The following SERPINB12 variants were observed in gnomAD, a reference collection of about 807,000 sequenced individuals.
SERPINB12 encodes serpin family B member 12, also known as serpin B12.
SERPINB12 carries 57 observed loss-of-function variants against 41.1 expected under a neutral mutation model. The observed-to-expected ratio is 1.39, with a 90% confidence interval of 1.12 to 1.73. The LOEUF is 1.73. Among genes scored for constraint, SERPINB12 ranks in the 40% most tolerant of loss-of-function variants. SERPINB12 has a pLI of 0.00. For missense variants in SERPINB12, 536 were observed against 501.9 expected, an observed-to-expected ratio of 1.07 and a Z score of -0.65; for synonymous variants, 180 against 181.3, an observed-to-expected ratio of 0.99 and a Z score of 0.06.
chr18:63,559,578 G>T lies in SERPINB12; in HGVS notation c.304G>T (p.Ala102Ser). Residue 102 changes from alanine to serine, a missense_variant and splice_region_variant, in exon 4 of 8, where the codon GCT (alanine) becomes TCT (serine). By Grantham distance (99) the Ala-to-Ser change is moderately conservative. Coordinates refer to ENST00000382768, the MANE Select transcript of SERPINB12 (RefSeq NM_001307928.2). ...CACATTTTGTTTCTTCTTTCCTTAGGCTGGGTCCTTAAACAATGAGAGCGG... is the reference window on the plus strand; with the variant it reads ...CACATTTTGTTTCTTCTTTCCTTAGTCTGGGTCCTTAAACAATGAGAGCGG... ...KKTTEPLDQQ[A>S]GSLNNESGLV... 6.2e-7 allele frequency: 1 copy of T among 1,613,832 alleles called. No homozygotes were observed. Among genetic ancestry groups the T allele is most frequent in the Non-Finnish European group, 8.5e-7 (1 of 1,179,888 alleles).
chr18:63,537,365 G>A, the SERPINB12 span, among the ~76,000 whole-genome samples: 51 of 152,284 alleles, frequency 3.3e-4, no homozygotes, highest in African/African-American at 1.2e-3. Flanking sequence ...TACACCTTGT[G>A]CATTGGGTTT....
In SERPINB12 at chr18:63,566,988, T is replaced by C; in HGVS notation, c.1255T>C (p.Tyr419His). 1 of 1,602,908 alleles carries C rather than the reference T, an allele frequency of 6.2e-7. No individual in the cohort carries two copies. The highest frequency in any genetic ancestry group is 8.5e-7 in the Non-Finnish European group (1 of 1,175,560). Residue 419 changes from tyrosine (Y) to histidine (H), a missense_variant, in exon 8 of 8, where the codon TAT (tyrosine) becomes CAT (histidine). Coordinates refer to ENST00000382768, the MANE Select transcript of SERPINB12 (RefSeq NM_001307928.2). ...CAACAAAACCCAAACCATTCTCTTT[T>C]ATGGCAGGGTCTGCTCTCCTTAAAA... is the stretch of plus-strand genomic sequence containing the variant. Reference protein sequence around the residue: ...RHNKTQTILFYGRVCSP With the variant: ...RHNKTQTILFHGRVCSP
chr18:63,564,254 A>G, intron 6 of SERPINB12, 134 bp downstream of exon 6: 1 of 869,780 alleles, frequency 1.1e-6, no homozygotes, highest in Non-Finnish European at 1.8e-6. Flanking sequence ...AAGAACCAGT[A>G]CCTGAATTTC....
intron 2 of SERPINB12, among the ~76,000 whole-genome samples, chr18:63,557,624 T>G (rs2144334788): frequency 6.6e-6 from 1 of 152,352 alleles, no homozygotes; most frequent in Non-Finnish European, 1.5e-5. Flanking sequence ...TTAGCAAAAC[T>G]TAGCTTTAGA....
chr18:63,538,804 C>T (rs544334557), upstream of SERPINB12, among the ~76,000 whole-genome samples: 4 of 152,248 alleles, frequency 2.6e-5, no homozygotes, highest in Admixed American at 6.5e-5. Context: ...TTTACATTTC[C>T]ACCAGCTATA....
At chr18:63,548,966 A>G (rs1393336373) in intron 1 of SERPINB12, among the ~76,000 whole-genome samples, 1 of 152,012 alleles carries the variant, frequency 6.6e-6, no homozygotes, top group Non-Finnish European at 1.5e-5. Context: ...ATTTATGACA[A>G]TGTTTATCGT....
At chr18:63,565,364 C>T in intron 6 of SERPINB12, 81 bp from the exon 7 acceptor site, 1 of 1,331,998 alleles carries the variant, frequency 7.5e-7, no homozygotes, top group South Asian at 1.4e-5. Flanking sequence ...TTAGGAACCC[C>T]TGTCCTCCGT....
the SERPINB12 span, among the ~76,000 whole-genome samples, chr18:63,528,579 G>A: frequency 3.9e-5 from 6 of 152,032 alleles, no homozygotes; most frequent in East Asian, 9.7e-4. Context: ...GAGGTAAGGG[G>A]AAAAAAGTAA....
In SERPINB12 at chr18:63,568,214, C is replaced by T. The variant is rs982822564; in HGVS notation, c.*1203C>T. 5.3e-5 allele frequency among the ~76,000 whole-genome samples: 8 copies of T among 152,072 alleles called. No homozygotes were observed. The highest frequency in any genetic ancestry group is 1.3e-4 in the Admixed American group (2 of 15,270). On this transcript the variant is annotated 3_prime_UTR_variant, in exon 8 of 8. Coordinates refer to ENST00000382768, the MANE Select transcript of SERPINB12 (RefSeq NM_001307928.2). ...TGGGCAACATATTGAGACCCTGACT[C>T]TACAAAAAATACAGAAATTAGCCGG...
intron 4 of SERPINB12, among the ~76,000 whole-genome samples, chr18:63,559,921 C>T (rs904026391): frequency 2.0e-5 from 3 of 152,084 alleles, no homozygotes; most frequent in African/African-American, 4.8e-5. Flanking sequence ...GAGCAGTTTA[C>T]GGGGCCCATT....
At chr18:63,541,100 C>T (rs1910263998), upstream of SERPINB12, among the ~76,000 whole-genome samples, 2 of 152,128 alleles carry the variant, frequency 1.3e-5, no homozygotes, top group African/African-American at 4.8e-5. Context: ...TACCATCTCC[C>T]TAATTCAAAA....
At chr18:63,558,999 CTTCCTTCTTTCTTTCTTTCTTTCT>C (rs1269944460) in intron 3 of SERPINB12, among the ~76,000 whole-genome samples, 9 of 114,786 alleles carry the variant, frequency 7.8e-5, no homozygotes, top group Admixed American at 6.4e-4. Flanking sequence ...TCTTTCTTTC[CTTCCTTCTTTCTTTCTTTCTTTCT>C]TTCTTTCTTT....
At chr18:63,558,259 C>T (rs553367838) in intron 2 of SERPINB12, 93 bp from the exon 3 acceptor site, 7 of 1,328,190 alleles carry the variant, frequency 5.3e-6, no homozygotes, top group Non-Finnish European at 7.2e-6. Flanking sequence ...ACTATGTAAT[C>T]ATTGCCATTG....
the SERPINB12 span, among the ~76,000 whole-genome samples, chr18:63,535,792 C>G: frequency 6.6e-6 from 1 of 151,982 alleles, no homozygotes; most frequent in Non-Finnish European, 1.5e-5. Context: ...AGCTAATAGA[C>G]AGGATGTATG....
rs1911178781 is a variant in SERPINB12, at chr18:63,568,217, C to T, written c.*1206C>T. Among the ~76,000 whole-genome samples, 1 of 152,014 alleles carries T rather than the reference C, an allele frequency of 6.6e-6. No individual in the cohort carries two copies. On this transcript the variant is annotated 3_prime_UTR_variant, in exon 8 of 8. Coordinates refer to ENST00000382768, the MANE Select transcript of SERPINB12 (RefSeq NM_001307928.2). ...GCAACATATTGAGACCCTGACTCTACAAAAAATACAGAAATTAGCCGGGCG... is the reference window on the plus strand; with the variant it reads ...GCAACATATTGAGACCCTGACTCTATAAAAAATACAGAAATTAGCCGGGCG...
At chr18:63,558,999 C>CTT (rs1555675571) in intron 3 of SERPINB12, among the ~76,000 whole-genome samples, 8 of 114,700 alleles carry the variant, frequency 7.0e-5, no homozygotes, top group Non-Finnish European at 1.2e-4. Context: ...TCTTTCTTTC[C>CTT]TTCCTTCTTT....
Position 63,565,677 on chromosome 18 carries a change from C to T in SERPINB12, c.873+65C>T, listed in dbSNP as rs547697650. Reference sequence around the variant, plus strand: ...ATAGATCTTTAGAGAACAACACTGTCTACTATCTACCATCTCGAGGAAATT... The same window carrying T: ...ATAGATCTTTAGAGAACAACACTGTTTACTATCTACCATCTCGAGGAAATT... On this transcript the variant is annotated intron_variant, in intron 7 of 7. Coordinates refer to ENST00000382768, the MANE Select transcript of SERPINB12 (RefSeq NM_001307928.2). The T allele has an allele frequency of 8.9e-5, 122 of 1,376,952 alleles. No homozygotes were observed. The African/African-American group carries it at 1.6e-3, about 18-fold the overall frequency. The allele number at this position is 1,376,952 out of a possible 1,614,324, so 85.3% of individuals were successfully genotyped here.
the SERPINB12 span, among the ~76,000 whole-genome samples, chr18:63,520,085 C>T: frequency 3.3e-5 from 5 of 152,192 alleles, no homozygotes; most frequent in Admixed American, 3.3e-4. Flanking sequence ...CAAACCAGGG[C>T]CTTCACCCTC....
At chr18:63,564,149 G>A in intron 6 of SERPINB12, 29 bp downstream of exon 6, 1 of 1,593,516 alleles carries the variant, frequency 6.3e-7, no homozygotes, top group Non-Finnish European at 8.5e-7. Context: ...TGGTTTTCTA[G>A]CTAGCCAACT....
Sources: gnomAD v4.1 joint callset for allele counts (sites outside exome capture counted in the v4.1 genomes callset) on GRCh38, gnomAD v4.1.1 for gene constraint, MANE v1.5 for transcripts, NCBI Gene and HGNC (gene_info 2026-07-23, HGNC 2026-07-21) for gene names.